Variants in C2CD2 observed in about 807,000 individuals in gnomAD.
The protein encoded by C2CD2 is C2 domain-containing protein 2.
Under a neutral mutation model 74.3 loss-of-function variants are expected in C2CD2, and 43 were observed. The observed-to-expected ratio is 0.58, with a 90% CI of 0.45 to 0.75. The LOEUF (loss-of-function observed/expected upper bound fraction) is 0.75, where lower values mean the gene tolerates loss of function less well. Ranked by LOEUF, C2CD2 falls within the 30% of genes least tolerant of loss-of-function variation. The pLI, the probability that C2CD2 is intolerant of heterozygous loss-of-function variation, is 0.00. For missense variants in C2CD2, 801 were observed against 916.3 expected (o/e 0.87, Z 1.63); for synonymous variants, 422 against 390.7 (o/e 1.08, Z -0.94).
Position 41,899,123 on chromosome 21 carries a change from G to A in C2CD2, c.1800C>T (p.Asp600=), listed in dbSNP as rs1476666395. The A allele has an allele frequency of 1.9e-6, 3 of 1,613,850 alleles. No homozygotes were observed. Among genetic ancestry groups the A allele is most frequent in the East Asian group, 2.2e-5 (1 of 44,880 alleles). Residue 600 remains aspartate, a synonymous_variant, in exon 13 of 14, where the codon GAC becomes GAT. Transcript: ENST00000380486. This position sits in a 1 kb window ranked among gnomAD's most constrained non-coding sequence, Gnocchi z 4.4. The part of the protein sequence containing the change: ...AAAWSSQVLL[D]PDGDELSESS... The stretch of plus-strand genomic sequence containing the variant: ...TCTCTGACAGCTCATCACCGTCGGG[G>A]TCCAGCAGGACCTGGCTGCTCCATG...
intron 8 of C2CD2, 24 bp from the exon 9 acceptor site, chr21:41,907,808 G>C: frequency 6.2e-7 from 1 of 1,613,710 alleles, no homozygotes; most frequent in Non-Finnish European, 8.5e-7. Context: ...AGACAGGCAA[G>C]GGGTGCCGCT....
chr21:41,885,305 G>A lies in C2CD2; in HGVS notation c.*3819C>T, dbSNP rs1159951490. Reference sequence around the variant, plus strand: ...CTCCAGCGTCAGGCCAAACCTTTCCGTGGACCTGGAAAACCTGCCACTTTC... The same window carrying A: ...CTCCAGCGTCAGGCCAAACCTTTCCATGGACCTGGAAAACCTGCCACTTTC... On this transcript the variant is annotated 3_prime_UTR_variant, in exon 14 of 14. Coordinates refer to ENST00000380486, the MANE Select transcript of C2CD2 (RefSeq NM_015500.2). The A allele has an allele frequency of 6.6e-6, 1 of 152,262 alleles. No individual in the cohort carries two copies. The highest frequency in any genetic ancestry group is 1.5e-5 in the Non-Finnish European group (1 of 68,050). The allele number at this position is 152,262 out of a possible 1,614,324, so 9.4% of individuals were successfully genotyped here. A position where few individuals can be genotyped will look rare whatever the true frequency, so the allele number is the denominator to read the frequency against.
intron 11 of C2CD2, among the ~76,000 whole-genome samples, 187 bp from the exon 12 acceptor site, chr21:41,901,936 G>A (rs999581378): frequency 6.6e-6 from 1 of 152,220 alleles, no homozygotes; most frequent in African/African-American, 2.4e-5. Flanking sequence ...CTTTTATAGA[G>A]TGAAACCAGC....
At chr21:41,906,893 T>C in intron 10 of C2CD2, 99 bp downstream of exon 10, 1 of 860,948 alleles carries the variant, frequency 1.2e-6, no homozygotes, top group South Asian at 1.7e-5. Context: ...TTCCTAACAC[T>C]CGGCGCTGCA....
Position 41,888,521 on chromosome 21 carries a change from A to T in C2CD2, c.*603T>A, listed in dbSNP as rs2064709684. 1 of 155,884 alleles carries T rather than the reference A, an allele frequency of 6.4e-6. No individual in the cohort carries two copies. The highest frequency in any genetic ancestry group is 2.4e-5 in the African/African-American group (1 of 41,470). 9.7% of individuals were successfully genotyped at this position (155,884 alleles called of 1,614,324 possible). A position where few individuals can be genotyped will look rare whatever the true frequency, so the allele number is the denominator to read the frequency against. On this transcript the variant is annotated 3_prime_UTR_variant, in exon 14 of 14. Coordinates refer to ENST00000380486, the MANE Select transcript of C2CD2 (RefSeq NM_015500.2). Reference sequence around the variant, plus strand: ...TGTTCAAGTTCTATGGCTAATATCAAAGGTAGATGACTTCCTACATCTGTC... The same window carrying T: ...TGTTCAAGTTCTATGGCTAATATCATAGGTAGATGACTTCCTACATCTGTC...
At chr21:41,948,902 T>TTTTTTTTC (rs2065427065) in intron 1 of C2CD2, among the ~76,000 whole-genome samples, 2 of 143,244 alleles carry the variant, frequency 1.4e-5, no homozygotes, top group African/African-American at 2.6e-5. Context: ...TCTTTTTTTT[T>TTTTTTTTC]ACAAAGACCA....
rs2047361391 is a variant in C2CD2, at chr21:41,953,571, C to T, written c.78G>A (p.Leu26=). 2 of 1,499,092 alleles carry T rather than the reference C, an allele frequency of 1.3e-6. No homozygotes were observed. The highest frequency in any genetic ancestry group is 1.8e-6 in the Non-Finnish European group (2 of 1,133,240). The allele number at this position is 1,499,092 out of a possible 1,614,324, so 92.9% of individuals were successfully genotyped here. The change falls in exon 1 of 14, where the codon CTG becomes CTA. Residue 26 remains leucine (L), a synonymous_variant. Transcript: ENST00000380486. ...LALVSLFVAA[L]ATVGLYLAQW... is the part of the protein sequence containing the mutation. The stretch of plus-strand genomic sequence containing the variant: ...GCGCCAGGTACAGGCCTACCGTGGC[C>T]AGGGCCGCGACGAAGAGCGACACCA...
At chr21:41,889,628 AT>A (rs1287007191) in intron 13 of C2CD2, among the ~76,000 whole-genome samples, 1 of 130,424 alleles carries the variant, frequency 7.7e-6, no homozygotes, top group Non-Finnish European at 1.7e-5. Flanking sequence ...ATATTCCTGA[AT>A]TTTTTTTCTT....
intron 1 of C2CD2, among the ~76,000 whole-genome samples, chr21:41,951,450 G>A (rs2065449957): frequency 6.7e-6 from 1 of 150,100 alleles, no homozygotes; most frequent in Non-Finnish European, 1.5e-5. Context: ...GATGGCCCTG[G>A]GTTGCTTTGA....
chr21:41,889,931 A>C (rs1266525471), intron 13 of C2CD2, among the ~76,000 whole-genome samples: 2 of 152,174 alleles, frequency 1.3e-5, no homozygotes, highest in East Asian at 3.9e-4. Flanking sequence ...GGCATGAGCC[A>C]CCACACCTGG....
Position 41,953,733 on chromosome 21 carries a change from C to G in C2CD2, c.-85G>C. On this transcript the variant is annotated 5_prime_UTR_variant, in exon 1 of 14. Transcript: ENST00000380486. ...ACTCAGGACACGCGCTGGCTGCGGC[C>G]ACAGCGCGCTGGGGGCGTGGAGGGG... 1 of 1,219,228 alleles carries G rather than the reference C, an allele frequency of 8.2e-7. No individual in the cohort carries two copies. Among genetic ancestry groups the G allele is most frequent in the Non-Finnish European group, 1.0e-6 (1 of 970,716 alleles). The allele number at this position is 1,219,228 out of a possible 1,614,324, so 75.5% of individuals were successfully genotyped here.
In C2CD2 at chr21:41,908,604, A is replaced by T. The variant is rs1569064373; in HGVS notation, c.1019-820T>A. On this transcript the variant is annotated intron_variant, in intron 8 of 13. Coordinates refer to ENST00000380486, the MANE Select transcript of C2CD2 (RefSeq NM_015500.2). The stretch of plus-strand genomic sequence containing the variant: ...CCAGTTTTCTCGGGACTCCAAAATC[A>T]AGGAAGTCGCCTCAGGATTCTTGCT... 3 of 152,134 alleles carry T rather than the reference A, an allele frequency of 2.0e-5. 1 individual carries two copies. The East Asian group carries it at 5.8e-4, about 29-fold the overall frequency. The allele number at this position is 152,134 out of a possible 1,614,324, so 9.4% of individuals were successfully genotyped here. A position where few individuals can be genotyped will look rare whatever the true frequency, so the allele number is the denominator to read the frequency against.
In C2CD2 at chr21:41,921,978, A is replaced by G. The variant is rs749405705; in HGVS notation, c.486T>C (p.His162=). 6 of 1,608,958 alleles carry G rather than the reference A, an allele frequency of 3.7e-6. No homozygotes were observed. The highest frequency in any genetic ancestry group is 5.1e-6 in the Non-Finnish European group (6 of 1,175,456). Residue 162 remains histidine, a synonymous_variant, in exon 3 of 14, where the codon CAT becomes CAC. Transcript: ENST00000380486. ...AAAGTCTACACATCTTTACCTGTAAATGGAAAGGGGAGAGCCGCATGTCGT... is the reference window on the plus strand; with the variant it reads ...AAAGTCTACACATCTTTACCTGTAAGTGGAAAGGGGAGAGCCGCATGTCGT... ...RLYDMRLSPF[H]LQLEFHMKEK...
chr21:41,953,612 C>T lies in C2CD2; in HGVS notation c.37G>A (p.Ala13Thr). The T allele has an allele frequency of 6.7e-7, 1 of 1,492,432 alleles. No individual in the cohort carries two copies. 92.4% of individuals were successfully genotyped at this position (1,492,432 alleles called of 1,614,324 possible). A position where few individuals can be genotyped will look rare whatever the true frequency, so the allele number is the denominator to read the frequency against. The part of the protein sequence containing the change: ...MARLGSWLGE[A>T]QWLALVSLFV... ...AGCGACACCAGCGCGAGCCACTGCGCCTCCCCGAGCCACGAGCCCAGCCGG... is the reference window on the plus strand; with the variant it reads ...AGCGACACCAGCGCGAGCCACTGCGTCTCCCCGAGCCACGAGCCCAGCCGG... The change falls in exon 1 of 14, where the codon GCG becomes ACG. Residue 13 changes from alanine (A) to threonine (T), a missense_variant. Ala to Thr is a moderately conservative substitution (Grantham distance 58). Transcript: ENST00000380486.
In C2CD2 at chr21:41,888,580, T is replaced by A. The variant is rs1224843532; in HGVS notation, c.*544A>T. ...TCCATTCTTATCAAAATTTCTCTAT[T>A]AATCCAAAATCCTGCCTATGTTCCA... On this transcript the variant is annotated 3_prime_UTR_variant, in exon 14 of 14. Coordinates refer to ENST00000380486, the MANE Select transcript of C2CD2 (RefSeq NM_015500.2). The A allele has an allele frequency of 1.3e-5, 2 of 159,136 alleles. No individual in the cohort carries two copies. Among genetic ancestry groups the A allele is most frequent in the Non-Finnish European group, 2.8e-5 (2 of 71,476 alleles). 9.9% of individuals were successfully genotyped at this position (159,136 alleles called of 1,614,324 possible).
Position 41,926,601 on chromosome 21 carries a change from T to G in C2CD2, c.379-4516A>C, listed in dbSNP as rs576329044. Reference sequence around the variant, plus strand: ...GCAAACAGCGCTTATCTGGAAACTATTCCTTTGTTTAGACTTGGGGCCAAA... The same window carrying G: ...GCAAACAGCGCTTATCTGGAAACTAGTCCTTTGTTTAGACTTGGGGCCAAA... On this transcript the variant is annotated intron_variant, in intron 2 of 13. Transcript: ENST00000380486. This position sits in a 1 kb window ranked among gnomAD's most constrained non-coding sequence, Gnocchi z 8.0. 9.2e-6 allele frequency: 9 copies of G among 982,358 alleles called. No homozygotes were observed. In the South Asian group the frequency reaches 2.8e-4, roughly 31 times the overall value. 60.9% of individuals were successfully genotyped at this position (982,358 alleles called of 1,614,324 possible).
chr21:41,926,512 T>A lies in C2CD2; in HGVS notation c.379-4427A>T. 1.5e-6 allele frequency: 1 copy of A among 685,752 alleles called. No individual in the cohort carries two copies. Among genetic ancestry groups the A allele is most frequent in the Non-Finnish European group, 1.8e-6 (1 of 556,342 alleles). 42.5% of individuals were successfully genotyped at this position (685,752 alleles called of 1,614,324 possible). Reference sequence around the variant, plus strand: ...AAGAGCAGGCTGAGCGGGGAGGCCTTCATTCACCTTCTCGGTGCTCTCTCC... The same window carrying A: ...AAGAGCAGGCTGAGCGGGGAGGCCTACATTCACCTTCTCGGTGCTCTCTCC... On this transcript the variant is annotated intron_variant, in intron 2 of 13. Transcript: ENST00000380486. The surrounding 1 kb of genome is among the most constrained non-coding windows in gnomAD (Gnocchi z 8.0).
rs753131813 is a variant in C2CD2 at position 41,899,018 on chromosome 21, G to C, written c.1870+35C>G. 2.6e-6 allele frequency: 4 copies of C among 1,545,934 alleles called. No homozygotes were observed. Among genetic ancestry groups the C allele is most frequent in the Non-Finnish European group, 3.5e-6 (4 of 1,127,360 alleles). On this transcript the variant is annotated intron_variant, in intron 13 of 13. Transcript: ENST00000380486. This position sits in a 1 kb window ranked among gnomAD's most constrained non-coding sequence, Gnocchi z 4.4. Reference sequence around the variant, plus strand: ...CAGCATGAGCGCAAAGCCACCAAGTGGGGGGCCCGGGATGGGGGGCTCGGG... The same window carrying C: ...CAGCATGAGCGCAAAGCCACCAAGTCGGGGGCCCGGGATGGGGGGCTCGGG...
At chr21:41,925,188 T>C (rs2065196833) in intron 2 of C2CD2, among the ~76,000 whole-genome samples, 1 of 152,160 alleles carries the variant, frequency 6.6e-6, no homozygotes, top group Non-Finnish European at 1.5e-5. Flanking sequence ...GAAAAGTTAA[T>C]TAAAGAAACA....
Sources: gnomAD v4.1 joint callset for allele counts (sites outside exome capture counted in the v4.1 genomes callset) on GRCh38, gnomAD v4.1.1 for gene constraint, Gnocchi (gnomAD v3.1) non-coding constraint, MANE v1.5 for transcripts, NCBI Gene and HGNC (gene_info 2026-07-23, HGNC 2026-07-21) for gene names.